FBXW7: variants seen among roughly 807,000 people sequenced by gnomAD.
FBXW7 encodes F-box/WD repeat-containing protein 7.
In FBXW7, 11 loss-of-function variants were observed where a neutral mutation model predicts 86.3. The observed-to-expected ratio is 0.13, with a 90% CI of 0.08 to 0.21. The LOEUF (loss-of-function observed/expected upper bound fraction) is 0.21. Ranked by LOEUF, FBXW7 falls within the 10% of genes least tolerant of loss-of-function variation. The probability of loss-of-function intolerance (pLI) is 1.00; values close to 1 mark genes in which losing one functional copy is unlikely to be tolerated. For synonymous variants in FBXW7, 313 were observed against 297.9 expected (o/e 1.05, Z -0.52); for missense variants, 488 against 847.4 (o/e 0.58, Z 5.27).
chr4:152,422,131 T>C (rs918205469), intron 2 of FBXW7, among the ~76,000 whole-genome samples: 4 of 152,118 alleles, frequency 2.6e-5, no homozygotes, highest in African/African-American at 9.7e-5. Context: ...GGTGTGCCTA[T>C]ATAGTAAAAG....
chr4:152,397,193 G>A (rs941953405), intron 4 of FBXW7, among the ~76,000 whole-genome samples: 13 of 151,872 alleles, frequency 8.6e-5, no homozygotes, highest in African/African-American at 3.1e-4. Flanking sequence ...AGTAGTTAAC[G>A]AGAAATGTCC....
intron 2 of FBXW7, among the ~76,000 whole-genome samples, chr4:152,523,096 T>C (rs1162912648): frequency 6.6e-6 from 1 of 152,254 alleles, no homozygotes; most frequent in Non-Finnish European, 1.5e-5. Context: ...ACTGATTATA[T>C]GCACAGCAGT....
At chr4:152,353,822 A>G (rs749085032) in intron 4 of FBXW7, among the ~76,000 whole-genome samples, 5 of 152,318 alleles carry the variant, frequency 3.3e-5, no homozygotes, top group African/African-American at 7.2e-5. Context: ...AGGGACAATT[A>G]TAAGATTCCT....
intron 4 of FBXW7, among the ~76,000 whole-genome samples, chr4:152,370,366 T>TA: frequency 6.6e-6 from 1 of 152,100 alleles, no homozygotes; most frequent in Non-Finnish European, 1.5e-5. Flanking sequence ...TACCACAAAA[T>TA]AATCATAAAC....
intron 4 of FBXW7, among the ~76,000 whole-genome samples, chr4:152,394,786 T>C (rs542681703): frequency 1.3e-5 from 2 of 152,140 alleles, no homozygotes; most frequent in African/African-American, 4.8e-5. Flanking sequence ...TCAATAACAC[T>C]ATGTGGTAGA....
At chr4:152,529,786 G>A (rs1201337166) in intron 2 of FBXW7, among the ~76,000 whole-genome samples, 1 of 152,050 alleles carries the variant, frequency 6.6e-6, no homozygotes, top group East Asian at 1.9e-4. Flanking sequence ...TGGGCAACAT[G>A]ATGCATGGCC....
intron 7 of FBXW7, among the ~76,000 whole-genome samples, chr4:152,334,177 G>A (rs1239080514): frequency 6.6e-6 from 1 of 152,152 alleles, no homozygotes; most frequent in African/African-American, 2.4e-5. Flanking sequence ...ATGAATGATA[G>A]TGAAAAACTT....
intron 2 of FBXW7, among the ~76,000 whole-genome samples, chr4:152,416,049 A>C (rs980036939): frequency 1.3e-5 from 2 of 152,096 alleles, no homozygotes; most frequent in Non-Finnish European, 2.9e-5. Flanking sequence ...TCCATCCATC[A>C]ATTTATTTCT....
Position 152,322,613 on chromosome 4 carries a change from G to C in FBXW7, c.*268C>G. The C allele has an allele frequency of 2.2e-6, 1 of 451,322 alleles. No individual in the cohort carries two copies. The highest frequency in any genetic ancestry group is 3.5e-5 in the East Asian group (1 of 28,682). 28.0% of individuals were successfully genotyped at this position (451,322 alleles called of 1,614,324 possible). A position where few individuals can be genotyped will look rare whatever the true frequency, so the allele number is the denominator to read the frequency against. The stretch of plus-strand genomic sequence containing the variant: ...AATTGCACCTGGTTTGATTTAGAAA[G>C]TCTCATTTTGCAAAGCTGCCCTCAG... On this transcript the variant is annotated 3_prime_UTR_variant, in exon 14 of 14. Coordinates refer to ENST00000281708, the MANE Select transcript of FBXW7 (RefSeq NM_001349798.2).
At chr4:152,512,623 A>C (rs1201971642) in intron 2 of FBXW7, among the ~76,000 whole-genome samples, 1 of 152,226 alleles carries the variant, frequency 6.6e-6, no homozygotes. Context: ...TGTTACGTGA[A>C]AGAAGCCAAA....
At chr4:152,495,907 T>C (rs746040360) in intron 2 of FBXW7, among the ~76,000 whole-genome samples, 1 of 152,212 alleles carries the variant, frequency 6.6e-6, no homozygotes, top group African/African-American at 2.4e-5. Flanking sequence ...CCAGGTGCAA[T>C]GGCTCATGCC....
At position 152,321,446 on chromosome 4, in the gene FBXW7, T is replaced by A. The variant is rs1472463279; in HGVS notation, c.*1435A>T. 4.3e-6 allele frequency: 1 copy of A among 232,792 alleles called. No individual in the cohort carries two copies. Among genetic ancestry groups the A allele is most frequent in the East Asian group, 6.1e-5 (1 of 16,482 alleles). 14.4% of individuals were successfully genotyped at this position (232,792 alleles called of 1,614,324 possible). On this transcript the variant is annotated 3_prime_UTR_variant, in exon 14 of 14. Coordinates refer to ENST00000281708, the MANE Select transcript of FBXW7 (RefSeq NM_001349798.2). The stretch of plus-strand genomic sequence containing the variant: ...ACTATAAATAAAACAAACAAAAAAA[T>A]AAACAGAAGGAGGAAAAAAGATCGC...
intron 2 of FBXW7, among the ~76,000 whole-genome samples, chr4:152,439,416 T>C (rs1377325692): frequency 1.3e-5 from 2 of 151,952 alleles, no homozygotes; most frequent in Non-Finnish European, 2.9e-5. Context: ...ATAATATTTT[T>C]ATTAGAATGG....
At position 152,358,819 on chromosome 4, in the gene FBXW7, GAA is replaced by G. The variant is rs535887316; in HGVS notation, c.502-8697_502-8696del. 4.6e-5 allele frequency among the ~76,000 whole-genome samples: 7 copies of G among 152,278 alleles called. No individual in the cohort carries two copies. In the South Asian group the frequency reaches 1.5e-3, roughly 32 times the overall value. ...TGCCTAGCACATAACAGATACCCTA[GAA>G]ATGGTAGCTGTATTTAACAGGTGGG... On this transcript the variant is annotated intron_variant, in intron 4 of 13. Coordinates refer to ENST00000281708, the MANE Select transcript of FBXW7 (RefSeq NM_001349798.2).
intron 2 of FBXW7, among the ~76,000 whole-genome samples, chr4:152,491,468 G>A (rs1330450845): frequency 6.6e-6 from 1 of 152,042 alleles, no homozygotes; most frequent in Non-Finnish European, 1.5e-5. Context: ...CTTAACAGGG[G>A]CACTTAAAAC....
chr4:152,509,107 T>A (rs554693146), intron 2 of FBXW7, among the ~76,000 whole-genome samples: 1 of 152,270 alleles, frequency 6.6e-6, no homozygotes, highest in East Asian at 1.9e-4. Context: ...TTGTTTCAGG[T>A]TAAAGAAAAC....
At chr4:152,469,067 G>A (rs1743711429) in intron 2 of FBXW7, among the ~76,000 whole-genome samples, 1 of 151,842 alleles carries the variant, frequency 6.6e-6, no homozygotes, top group South Asian at 2.1e-4. Flanking sequence ...AAAATAATTT[G>A]GTCAAATATT....
intron 7 of FBXW7, among the ~76,000 whole-genome samples, chr4:152,332,950 C>T (rs1401820357): frequency 6.6e-6 from 1 of 151,990 alleles, no homozygotes; most frequent in Non-Finnish European, 1.5e-5. Context: ...TTACCCTCTT[C>T]AAGGACTACT....
rs1370586189 is a variant in FBXW7, at chr4:152,455,574, G to A, written c.-119-43045C>T. Among the ~76,000 whole-genome samples the A allele has an allele frequency of 2.6e-5, 4 of 152,244 alleles. No homozygotes were observed. In the South Asian group the frequency reaches 6.2e-4, roughly 24 times the overall value. Reference sequence around the variant, plus strand: ...AGATAATCTAGGTTTTCTCCATTATGTTCCTCAAAATTCTACCAGCTTCTG... The same window carrying A: ...AGATAATCTAGGTTTTCTCCATTATATTCCTCAAAATTCTACCAGCTTCTG... On this transcript the variant is annotated intron_variant, in intron 2 of 13. Transcript: ENST00000281708.
Sources: gnomAD v4.1 joint callset for allele counts (sites outside exome capture counted in the v4.1 genomes callset) on GRCh38, gnomAD v4.1.1 for gene constraint, MANE v1.5 for transcripts, NCBI Gene and HGNC (gene_info 2026-07-23, HGNC 2026-07-21) for gene names.